Variants in CDC73 observed in about 807,000 individuals in gnomAD.
The protein encoded by CDC73 is parafibromin.
In CDC73, 21 loss-of-function variants were observed where a neutral mutation model predicts 83.7. The observed-to-expected ratio is 0.25, with a 90% CI of 0.18 to 0.36. CDC73 has a LOEUF of 0.36. Ranked by LOEUF, CDC73 falls within the 10% of genes least tolerant of loss-of-function variation. CDC73 has a pLI of 1.00. For synonymous variants in CDC73, 224 were observed against 212.9 expected, an observed-to-expected ratio of 1.05 and a Z score of -0.45; for missense variants, 342 against 653.3, an observed-to-expected ratio of 0.52 and a Z score of 5.19.
Position 193,203,867 on chromosome 1 carries a change from C to G in CDC73, c.1030+15C>G. Reference sequence around the variant, plus strand: ...ACCAAGACCAGGTAGAAATATAGAACTTTGCTTTTTGTTTTCTTTCAAAAG... The same window carrying G: ...ACCAAGACCAGGTAGAAATATAGAAGTTTGCTTTTTGTTTTCTTTCAAAAG... On this transcript the variant is annotated intron_variant, in intron 11 of 16. Transcript: ENST00000367435. 6.2e-7 allele frequency: 1 copy of G among 1,612,024 alleles called. No homozygotes were observed. Among genetic ancestry groups the G allele is most frequent in the Non-Finnish European group, 8.5e-7 (1 of 1,178,184 alleles).
At chr1:193,192,333 C>T (rs1053340980) in intron 10 of CDC73, among the ~76,000 whole-genome samples, 3 of 152,174 alleles carry the variant, frequency 2.0e-5, no homozygotes, top group Non-Finnish European at 4.4e-5. Context: ...ATCCCAGCTA[C>T]CTGGGAGGCT....
intron 15 of CDC73, among the ~76,000 whole-genome samples, chr1:193,248,596 A>G (rs903868343): frequency 6.6e-6 from 1 of 152,108 alleles, no homozygotes; most frequent in South Asian, 2.1e-4. Context: ...TTACCATTCT[A>G]GATGCCATTA....
chr1:193,245,909 A>G (rs1028383445), intron 15 of CDC73, among the ~76,000 whole-genome samples: 2 of 152,030 alleles, frequency 1.3e-5, no homozygotes, highest in East Asian at 1.9e-4. Context: ...ATTTTAATAT[A>G]TTTGTTGACT....
intron 10 of CDC73, chr1:193,180,539 C>T (rs1558300926): frequency 6.2e-7 from 1 of 1,614,090 alleles, no homozygotes. Flanking sequence ...CCTACATATA[C>T]ATCTTCCAAG....
intron 10 of CDC73, among the ~76,000 whole-genome samples, chr1:193,163,148 GGGTT>G (rs1273005736): frequency 2.2e-4 from 17 of 78,652 alleles, no homozygotes; most frequent in African/African-American, 9.7e-4. Flanking sequence ...GAACTTTGTG[GGGTT>G]GTGTGTGTGT....
intron 1 of CDC73, among the ~76,000 whole-genome samples, chr1:193,123,570 C>T (rs186767989): frequency 6.6e-6 from 1 of 152,208 alleles, no homozygotes; most frequent in East Asian, 1.9e-4. Context: ...ATTTAATTAG[C>T]TTTATAAAAT....
intron 10 of CDC73, chr1:193,181,669 C>T (rs559252088): frequency 3.8e-6 from 4 of 1,052,232 alleles, no homozygotes; most frequent in South Asian, 1.8e-5. Flanking sequence ...CACATTGTCT[C>T]TCTTGTAGTC....
intron 15 of CDC73, among the ~76,000 whole-genome samples, chr1:193,238,568 A>G (rs138446663): frequency 6.6e-6 from 1 of 152,288 alleles, no homozygotes; most frequent in African/African-American, 2.4e-5. Context: ...CTGGTTATCA[A>G]CTGGAATGGA....
intron 10 of CDC73, among the ~76,000 whole-genome samples, chr1:193,176,717 CA>C (rs758334174): frequency 1.8e-4 from 28 of 152,020 alleles, no homozygotes; most frequent in Non-Finnish European, 3.8e-4. Flanking sequence ...CCTAGTTAAA[CA>C]GTAAAAAATA....
At chr1:193,189,720 A>G (rs1304584768) in intron 10 of CDC73, among the ~76,000 whole-genome samples, 1 of 152,214 alleles carries the variant, frequency 6.6e-6, no homozygotes, top group African/African-American at 2.4e-5. Context: ...AAAGACAGGA[A>G]TTGTAATGCC....
intron 10 of CDC73, among the ~76,000 whole-genome samples, chr1:193,177,263 C>T (rs1676621463): frequency 6.8e-6 from 1 of 147,778 alleles, no homozygotes; most frequent in East Asian, 2.0e-4. Flanking sequence ...GTGGCTCAAG[C>T]CTGTAATCCC....
chr1:193,130,556 A>C (rs1371942019), intron 3 of CDC73, among the ~76,000 whole-genome samples: 1 of 152,234 alleles, frequency 6.6e-6, no homozygotes, highest in African/African-American at 2.4e-5. Context: ...GAATACCTAC[A>C]GTAAGATTTC....
chr1:193,243,178 G>T (rs891621054), intron 15 of CDC73, among the ~76,000 whole-genome samples: 5 of 152,040 alleles, frequency 3.3e-5, no homozygotes, highest in Non-Finnish European at 7.4e-5. Flanking sequence ...CTGACCTCAG[G>T]ATCCGCTCTC....
At chr1:193,152,971 C>G (rs1385932432) in intron 10 of CDC73, among the ~76,000 whole-genome samples, 1 of 151,920 alleles carries the variant, frequency 6.6e-6, no homozygotes. Flanking sequence ...TTAGTAGAGA[C>G]GGGGTTTCGC....
At chr1:193,170,907 A>G (rs1338085661) in intron 10 of CDC73, among the ~76,000 whole-genome samples, 1 of 152,226 alleles carries the variant, frequency 6.6e-6, no homozygotes, top group East Asian at 1.9e-4. Flanking sequence ...AAGGGGGCAC[A>G]GCCACATTTT....
chr1:193,154,837 A>G (rs1309357280), intron 10 of CDC73, among the ~76,000 whole-genome samples: 1 of 152,062 alleles, frequency 6.6e-6, no homozygotes, highest in African/African-American at 2.4e-5. Context: ...TGTGAGTTGC[A>G]CCAACTTTCT....
rs894987430 is a variant in CDC73, at chr1:193,148,639, ATTT to A, written c.828+698_828+700del. Among the ~76,000 whole-genome samples the A allele has an allele frequency of 1.8e-3, 207 of 113,646 alleles. 1 individual carries two copies. The highest frequency in any genetic ancestry group is 4.7e-3 in the African/African-American group (137 of 28,960). 74.6% of individuals were successfully genotyped at this position (113,646 alleles called of 152,430 possible). ...AGATTCTATAAATAGAAAATTTATA[ATTT>A]TTTTTTTTTTTTTTTTTTTTTTTGA... On this transcript the variant is annotated intron_variant, in intron 8 of 16. Coordinates refer to ENST00000367435, the MANE Select transcript of CDC73 (RefSeq NM_024529.5).
intron 6 of CDC73, 78 bp downstream of exon 6, chr1:193,138,251 C>G (rs561009976): frequency 1.3e-5 from 13 of 964,244 alleles, no homozygotes; most frequent in African/African-American, 3.2e-5. Context: ...TTAAAATGCT[C>G]TCCACATTTA....
intron 10 of CDC73, among the ~76,000 whole-genome samples, chr1:193,191,585 G>A (rs142098386): frequency 2.6e-5 from 4 of 151,998 alleles, no homozygotes; most frequent in Non-Finnish European, 5.9e-5. Context: ...TCGCGGTTTC[G>A]TCATGTTGCA....
Sources: allele counts gnomAD v4.1 joint callset (sites outside exome capture counted in the v4.1 genomes callset), GRCh38; gene constraint gnomAD v4.1.1; transcripts MANE v1.5; gene names NCBI Gene and HGNC (gene_info 2026-07-23, HGNC 2026-07-21).